The following PTPRD variants were observed in gnomAD, a reference collection of about 807,000 sequenced individuals.
PTPRD encodes receptor-type tyrosine-protein phosphatase delta.
Under a neutral mutation model 214.5 loss-of-function variants are expected in PTPRD, and 34 were observed. The ratio of observed to expected loss-of-function variants is 0.16; its 90% CI spans 0.12 to 0.21. PTPRD has a LOEUF of 0.21. PTPRD is among the 10% of genes least tolerant of loss of function. The probability of loss-of-function intolerance (pLI) is 1.00; values close to 1 mark genes in which losing one functional copy is unlikely to be tolerated. For synonymous variants in PTPRD, 1,128 were observed against 845.7 expected (o/e 1.33, Z -5.79); for missense variants, 2,545 against 2,398.7 (o/e 1.06, Z -1.27).
intron 9 of PTPRD, among the ~76,000 whole-genome samples, chr9:9,287,099 C>G (rs1199506293): frequency 3.3e-5 from 5 of 150,316 alleles, no homozygotes; most frequent in Non-Finnish European, 7.4e-5. Flanking sequence ...GTTGTGTGGA[C>G]CTGAAGTCCC....
chr9:9,194,575 G>C (rs2099937148), intron 9 of PTPRD, among the ~76,000 whole-genome samples: 1 of 152,098 alleles, frequency 6.6e-6, no homozygotes, highest in Admixed American at 6.6e-5. Context: ...TTGGTCTGTT[G>C]TTGACAAAAG....
chr9:9,459,576 G>A (rs1038779518), intron 8 of PTPRD, among the ~76,000 whole-genome samples: 1 of 151,968 alleles, frequency 6.6e-6, no homozygotes, highest in South Asian at 2.1e-4. Flanking sequence ...AGCTGAGAAC[G>A]AAACCAATAA....
At chr9:10,457,597 T>A (rs530467246) in intron 2 of PTPRD, among the ~76,000 whole-genome samples, 1 of 152,114 alleles carries the variant, frequency 6.6e-6, no homozygotes, top group East Asian at 1.9e-4. Context: ...AGTACTGAAA[T>A]CTCTAGGTGA....
intron 5 of PTPRD, among the ~76,000 whole-genome samples, chr9:9,916,150 G>A (rs1251909862): frequency 6.6e-6 from 1 of 150,458 alleles, no homozygotes; most frequent in Non-Finnish European, 1.5e-5. Context: ...CAAAAATGGA[G>A]GACGAATGAA....
intron 7 of PTPRD, among the ~76,000 whole-genome samples, chr9:9,702,537 A>G (rs370096555): frequency 1.3e-5 from 2 of 152,192 alleles, no homozygotes; most frequent in Non-Finnish European, 1.5e-5. Context: ...TTATTGGGAA[A>G]TAGATTTCAG....
intron 10 of PTPRD, among the ~76,000 whole-genome samples, chr9:9,085,786 G>A (rs2099766235): frequency 6.6e-6 from 1 of 151,886 alleles, no homozygotes; most frequent in South Asian, 2.1e-4. Context: ...TGTTTTAAAT[G>A]TTTTATATAT....
chr9:8,421,367 CTCT>C (rs58781619), intron 35 of PTPRD, among the ~76,000 whole-genome samples: 2,184 of 137,844 alleles, frequency 0.016, 53 homozygotes, highest in African/African-American at 0.055. Flanking sequence ...CTCTTCTCTT[CTCT>C]TCTCTCTCTC....
At chr9:10,112,776 G>T (rs2098702078) in intron 3 of PTPRD, among the ~76,000 whole-genome samples, 1 of 152,218 alleles carries the variant, frequency 6.6e-6, no homozygotes, top group South Asian at 2.1e-4. Flanking sequence ...CGAGAACAAT[G>T]ATTTTTATAC....
At chr9:8,469,290 T>C (rs1370082796) in intron 31 of PTPRD, among the ~76,000 whole-genome samples, 1 of 152,084 alleles carries the variant, frequency 6.6e-6, no homozygotes, top group Admixed American at 6.6e-5. Flanking sequence ...AGAATCACTT[T>C]CTATTACTTA....
chr9:8,805,758 C>T (rs1355253866), intron 11 of PTPRD, among the ~76,000 whole-genome samples: 1 of 151,182 alleles, frequency 6.6e-6, no homozygotes, highest in African/African-American at 2.4e-5. Context: ...CATTTTGGGG[C>T]ACTGAGGCGG....
intron 35 of PTPRD, among the ~76,000 whole-genome samples, chr9:8,404,917 G>T (rs1439842055): frequency 1.3e-5 from 2 of 152,160 alleles, no homozygotes. Flanking sequence ...GTTAATATTG[G>T]AAAGGCAGGT....
At chr9:8,401,731 C>T (rs1482860236) in intron 36 of PTPRD, among the ~76,000 whole-genome samples, 1 of 152,140 alleles carries the variant, frequency 6.6e-6, no homozygotes, top group Non-Finnish European at 1.5e-5. Flanking sequence ...ATAAAGACAA[C>T]ATCAATCACT....
chr9:8,481,718 G>T (rs1357632935), intron 30 of PTPRD, among the ~76,000 whole-genome samples: 1 of 151,978 alleles, frequency 6.6e-6, no homozygotes, highest in African/African-American at 2.4e-5. Flanking sequence ...CAATGATTCT[G>T]TCTTCTTCCA....
chr9:10,016,673 G>T (rs72692784), intron 4 of PTPRD, among the ~76,000 whole-genome samples: 64,694 of 147,750 alleles, frequency 0.44, 16,192 homozygotes, highest in Middle Eastern at 0.62. Flanking sequence ...CCTGTGGGTT[G>T]TTTTTTTTTT....
intron 11 of PTPRD, among the ~76,000 whole-genome samples, chr9:8,910,742 G>A (rs2098741277): frequency 6.6e-6 from 1 of 152,076 alleles, no homozygotes; most frequent in African/African-American, 2.4e-5. Flanking sequence ...ACTAGAACTA[G>A]AAAACAAATT....
rs557392955 is a variant in PTPRD, at chr9:9,668,879, G to A, written c.-287+65654C>T. Among the ~76,000 whole-genome samples the A allele has an allele frequency of 3.3e-5, 5 of 152,262 alleles. No homozygotes were observed. The East Asian group carries it at 9.7e-4, about 29-fold the overall frequency. Reference sequence around the variant, plus strand: ...GAAAAACTGCACTCCGTGAGGCAGAGTGGTCTCCTATTGACCAATCCTGAA... The same window carrying A: ...GAAAAACTGCACTCCGTGAGGCAGAATGGTCTCCTATTGACCAATCCTGAA... On this transcript the variant is annotated intron_variant, in intron 7 of 45. Coordinates refer to ENST00000381196, the MANE Select transcript of PTPRD (RefSeq NM_002839.4).
At chr9:9,206,535 T>C (rs2099944978) in intron 9 of PTPRD, among the ~76,000 whole-genome samples, 1 of 152,138 alleles carries the variant, frequency 6.6e-6, no homozygotes, top group South Asian at 2.1e-4. Flanking sequence ...GATTAACATG[T>C]GAGTCAGTGG....
intron 5 of PTPRD, among the ~76,000 whole-genome samples, chr9:9,776,694 T>C (rs555970382): frequency 5.3e-5 from 8 of 152,346 alleles, no homozygotes; most frequent in Non-Finnish European, 1.0e-4. Context: ...AAAATGAAGA[T>C]AGTGACTTTT....
At chr9:8,544,164 CTTTTTT>C (rs373194856) in intron 14 of PTPRD, among the ~76,000 whole-genome samples, 5 of 111,144 alleles carry the variant, frequency 4.5e-5, no homozygotes, top group African/African-American at 1.8e-4. Flanking sequence ...TTTGCCATTA[CTTTTTT>C]TTTTTTTTTT....
Sources: allele counts gnomAD v4.1 joint callset (sites outside exome capture counted in the v4.1 genomes callset), GRCh38; gene constraint gnomAD v4.1.1; transcripts MANE v1.5; gene names NCBI Gene and HGNC (gene_info 2026-07-23, HGNC 2026-07-21).